The following ATF2 variants were observed in gnomAD, a reference collection of about 807,000 sequenced individuals.
ATF2 encodes the protein cyclic AMP-dependent transcription factor ATF-2.
In ATF2, 24 loss-of-function variants were observed where a neutral mutation model predicts 60.6. That is an observed-to-expected ratio of 0.40 (90% CI 0.29 to 0.56). The LOEUF is 0.56. Ranked by LOEUF, ATF2 falls within the 20% of genes least tolerant of loss-of-function variation. The probability of loss-of-function intolerance (pLI) is 0.54; values close to 1 mark genes in which losing one functional copy is unlikely to be tolerated. For synonymous variants in ATF2, 206 were observed against 215.4 expected, an observed-to-expected ratio of 0.96 and a Z score of 0.38; for missense variants, 433 against 607.7, an observed-to-expected ratio of 0.71 and a Z score of 3.02.
At chr2:175,150,186 T>TATA (rs1331523173) in intron 2 of ATF2, among the ~76,000 whole-genome samples, 1 of 152,174 alleles carries the variant, frequency 6.6e-6, no homozygotes, top group Non-Finnish European at 1.5e-5. Flanking sequence ...TTTTTAAATA[T>TATA]ATAAATGTAT....
rs1201611582 is a variant in ATF2, at chr2:175,137,177, G to GT, written c.-43-692dup. ...AGAATGTCATGCTCAGAAAAATTTG[G>GT]TAATTCTTGTGGGGAAATGTGTAAC... On this transcript the variant is annotated intron_variant, in intron 2 of 13. Coordinates refer to ENST00000264110, the MANE Select transcript of ATF2 (RefSeq NM_001880.4). Among the ~76,000 whole-genome samples the GT allele has an allele frequency of 2.0e-5, 3 of 152,136 alleles. No individual in the cohort carries two copies. The East Asian group carries it at 5.8e-4, about 29-fold the overall frequency.
intron 1 of ATF2, among the ~76,000 whole-genome samples, chr2:175,159,807 A>G (rs1434542698): frequency 6.6e-6 from 1 of 152,252 alleles, no homozygotes; most frequent in Non-Finnish European, 1.5e-5. Context: ...TTACAGAGTA[A>G]TAATTATGAA....
At chr2:175,119,224 T>C (rs1696787660) in intron 5 of ATF2, among the ~76,000 whole-genome samples, 1 of 151,626 alleles carries the variant, frequency 6.6e-6, no homozygotes, top group South Asian at 2.1e-4. Flanking sequence ...TTTTCAAGGG[T>C]GTCTATTCAT....
At chr2:175,099,535 G>A (rs1209105151) in intron 10 of ATF2, among the ~76,000 whole-genome samples, 3 of 152,082 alleles carry the variant, frequency 2.0e-5, no homozygotes, top group Admixed American at 6.5e-5. Context: ...CCCTGGAAAC[G>A]ACTGATCTGT....
chr2:175,109,993 G>A (rs1696055400), intron 10 of ATF2, among the ~76,000 whole-genome samples: 1 of 152,194 alleles, frequency 6.6e-6, no homozygotes, highest in Admixed American at 6.5e-5. Context: ...AAAACAGGGT[G>A]TCCTGTGCAA....
intron 1 of ATF2, among the ~76,000 whole-genome samples, chr2:175,160,604 T>C (rs934651971): frequency 6.6e-6 from 1 of 152,138 alleles, no homozygotes; most frequent in African/African-American, 2.4e-5. Context: ...TGGCCAAAAA[T>C]TGATAGTGTA....
intron 1 of ATF2, 178 bp downstream of exon 1, chr2:175,167,872 C>A: frequency 2.5e-6 from 1 of 392,724 alleles, no homozygotes; most frequent in Admixed American, 3.0e-5. Flanking sequence ...CCGCGCGGGC[C>A]GCCGAGGTGG....
intron 7 of ATF2, among the ~76,000 whole-genome samples, chr2:175,116,234 TC>T (rs1696561554): frequency 6.6e-6 from 1 of 152,076 alleles, no homozygotes; most frequent in South Asian, 2.1e-4. Flanking sequence ...CTGTTAATAA[TC>T]CAAACAAAAG....
rs532638416 is a variant in ATF2 at position 175,107,713 on chromosome 2, G to A, written c.828+3855C>T. On this transcript the variant is annotated intron_variant, in intron 10 of 13. Transcript: ENST00000264110. Reference sequence around the variant, plus strand: ...GCCGAGTGCCTGCGATTGCAGGCGCGCGCCGCCACGCCTGACTGGTTTTCG... The same window carrying A: ...GCCGAGTGCCTGCGATTGCAGGCGCACGCCGCCACGCCTGACTGGTTTTCG... Among the ~76,000 whole-genome samples, 907 of 152,316 alleles carry A rather than the reference G, an allele frequency of 6.0e-3. 3 individuals are homozygous for A. The highest frequency in any genetic ancestry group is 0.02 in the African/African-American group (832 of 41,582).
intron 2 of ATF2, among the ~76,000 whole-genome samples, chr2:175,146,237 T>C (rs910897550): frequency 1.3e-5 from 2 of 152,170 alleles, no homozygotes; most frequent in East Asian, 1.9e-4. Flanking sequence ...AAAATCATTA[T>C]AGTCAAGGAA....
chr2:175,156,456 C>T (rs1359733413), intron 1 of ATF2, among the ~76,000 whole-genome samples: 2 of 142,798 alleles, frequency 1.4e-5, no homozygotes, highest in Non-Finnish European at 3.0e-5. Flanking sequence ...GGAATCTAAT[C>T]AAGAGACCTC....
chr2:175,160,479 CAAGT>C (rs1028051846), intron 1 of ATF2, among the ~76,000 whole-genome samples: 1 of 152,164 alleles, frequency 6.6e-6, no homozygotes, highest in Non-Finnish European at 1.5e-5. Context: ...TGTCAAAATT[CAAGT>C]AAGTAAAGTG....
intron 10 of ATF2, among the ~76,000 whole-genome samples, chr2:175,108,548 G>A (rs1695916287): frequency 6.6e-6 from 1 of 150,542 alleles, no homozygotes; most frequent in African/African-American, 2.4e-5. Context: ...CCCCATCCGG[G>A]AGGGAGGTGG....
chr2:175,127,618 T>C (rs890035889), intron 4 of ATF2, among the ~76,000 whole-genome samples: 2 of 152,210 alleles, frequency 1.3e-5, no homozygotes, highest in East Asian at 1.9e-4. Context: ...ACCTTCTCTC[T>C]GTTGGTCATT....
chr2:175,104,965 G>A (rs537137797), intron 10 of ATF2, among the ~76,000 whole-genome samples: 1 of 152,196 alleles, frequency 6.6e-6, no homozygotes, highest in Non-Finnish European at 1.5e-5. Context: ...AGTTGTAAGT[G>A]CTGAGATAAT....
At chr2:175,120,071 A>G (rs750342745) in intron 5 of ATF2, among the ~76,000 whole-genome samples, 3 of 151,806 alleles carry the variant, frequency 2.0e-5, no homozygotes, top group Middle Eastern at 3.4e-3. Flanking sequence ...AATGTGCTCT[A>G]TTTTTCTACT....
intron 11 of ATF2, among the ~76,000 whole-genome samples, chr2:175,093,670 A>G (rs1233024898): frequency 6.6e-6 from 1 of 152,200 alleles, no homozygotes; most frequent in East Asian, 1.9e-4. Flanking sequence ...ATAACTTCCT[A>G]TTTAAATTCA....
chr2:175,115,493 A>G (rs552472329), intron 7 of ATF2, among the ~76,000 whole-genome samples: 2 of 152,310 alleles, frequency 1.3e-5, no homozygotes, highest in African/African-American at 2.4e-5. Context: ...CCAAGACCTT[A>G]AAGATGGTAT....
chr2:175,080,444 C>A, intron 13 of ATF2: 1 of 360,194 alleles, frequency 2.8e-6, no homozygotes, highest in Non-Finnish European at 5.0e-6. Flanking sequence ...TCTATAGTAA[C>A]GCTTAGGAAA....
Sources: gnomAD v4.1 joint callset for allele counts (sites outside exome capture counted in the v4.1 genomes callset) on GRCh38, gnomAD v4.1.1 for gene constraint, MANE v1.5 for transcripts, NCBI Gene and HGNC (gene_info 2026-07-23, HGNC 2026-07-21) for gene names.